The following MARCHF1 variants were observed in gnomAD, a reference collection of about 807,000 sequenced individuals.
MARCHF1 encodes the protein E3 ubiquitin-protein ligase MARCHF1.
In MARCHF1, 40 loss-of-function variants were observed where a neutral mutation model predicts 54.2. The observed-to-expected ratio is 0.74, with a 90% CI of 0.57 to 0.96. The LOEUF (loss-of-function observed/expected upper bound fraction) is 0.96, where lower values mean the gene tolerates loss of function less well. MARCHF1 is among the 40% of genes least tolerant of loss of function. The pLI is 0.00. For missense variants in MARCHF1, 586 were observed against 656.5 expected (o/e 0.89, Z 1.17); for synonymous variants, 236 against 236.3 (o/e 1.00, Z 0.01).
intron 5 of MARCHF1, among the ~76,000 whole-genome samples, chr4:163,641,815 CA>C (rs1263790458): frequency 5.9e-5 from 9 of 152,236 alleles, no homozygotes; most frequent in African/African-American, 1.7e-4. Flanking sequence ...ATTAGTGAGA[CA>C]AAGAAGAAAG....
At chr4:163,550,296 A>AAAAAAG (rs1739063374) in intron 8 of MARCHF1, among the ~76,000 whole-genome samples, 1 of 148,322 alleles carries the variant, frequency 6.7e-6, no homozygotes, top group African/African-American at 2.5e-5. Flanking sequence ...AAAAAAAAAA[A>AAAAAAG]AAAAGAAAAG....
At chr4:163,700,490 G>A (rs1418446189) in intron 5 of MARCHF1, among the ~76,000 whole-genome samples, 2 of 148,880 alleles carry the variant, frequency 1.3e-5, no homozygotes, top group East Asian at 4.0e-4. Flanking sequence ...GGGCGACAGA[G>A]TAAGACTCTG....
chr4:163,962,784 A>T (rs1003945608), intron 3 of MARCHF1, among the ~76,000 whole-genome samples: 1 of 151,914 alleles, frequency 6.6e-6, no homozygotes, highest in Non-Finnish European at 1.5e-5. Flanking sequence ...TTAAAATCCT[A>T]TACCACTTTT....
chr4:163,640,629 C>CA (rs1026229841), intron 5 of MARCHF1, among the ~76,000 whole-genome samples: 4 of 151,710 alleles, frequency 2.6e-5, no homozygotes, highest in East Asian at 1.9e-4. Flanking sequence ...ATGTTCATAC[C>CA]AAAAAAAATT....
chr4:163,953,638 T>C (rs1267204031), intron 3 of MARCHF1, among the ~76,000 whole-genome samples: 2 of 152,140 alleles, frequency 1.3e-5, no homozygotes, highest in East Asian at 1.9e-4. Flanking sequence ...ATATACTCAA[T>C]GTCTTACAGT....
intron 4 of MARCHF1, among the ~76,000 whole-genome samples, chr4:163,768,386 T>C (rs75159951): frequency 0.012 from 1,799 of 152,318 alleles, 32 homozygotes; most frequent in African/African-American, 0.041. Context: ...GACAGAAATA[T>C]TAATACTTTA....
At chr4:163,861,446 A>T (rs2111191968) in intron 3 of MARCHF1, among the ~76,000 whole-genome samples, 1 of 152,284 alleles carries the variant, frequency 6.6e-6, no homozygotes, top group East Asian at 1.9e-4. Context: ...ACCTATATAC[A>T]ATCAATGCAC....
chr4:164,023,027 C>T (rs1323746222), intron 2 of MARCHF1, among the ~76,000 whole-genome samples: 1 of 152,170 alleles, frequency 6.6e-6, no homozygotes, highest in African/African-American at 2.4e-5. Flanking sequence ...CCCAGGGTTG[C>T]AGCATGCAGC....
At chr4:163,604,637 AG>A (rs1741084602) in intron 7 of MARCHF1, among the ~76,000 whole-genome samples, 3 of 152,164 alleles carry the variant, frequency 2.0e-5, no homozygotes, top group African/African-American at 7.2e-5. Context: ...AAACGCCTGC[AG>A]AAACTTTCTT....
chr4:163,750,990 C>G (rs957407731), intron 4 of MARCHF1, among the ~76,000 whole-genome samples: 1 of 151,910 alleles, frequency 6.6e-6, no homozygotes, highest in Non-Finnish European at 1.5e-5. Flanking sequence ...AAATTATTTT[C>G]AAAATAGAAA....
chr4:164,198,456 T>C (rs77901080), intron 1 of MARCHF1, among the ~76,000 whole-genome samples: 5,140 of 152,346 alleles, frequency 0.034, 295 homozygotes, highest in African/African-American at 0.12. Context: ...AGGAAAATAG[T>C]ATTTCTAGTG....
intron 1 of MARCHF1, among the ~76,000 whole-genome samples, chr4:164,149,557 A>G (rs1729874839): frequency 6.6e-6 from 1 of 152,070 alleles, no homozygotes; most frequent in Admixed American, 6.6e-5. Flanking sequence ...CTTCTTTTTA[A>G]TCAATACATT....
At chr4:163,935,505 C>T (rs1335829167) in intron 3 of MARCHF1, among the ~76,000 whole-genome samples, 2 of 152,174 alleles carry the variant, frequency 1.3e-5, no homozygotes, top group African/African-American at 4.8e-5. Context: ...TTTCCTTAAA[C>T]CGCATAAACC....
At position 163,612,960 on chromosome 4, in the gene MARCHF1, C is replaced by G; in HGVS notation, c.321G>C (p.Lys107Asn). 1 of 1,534,578 alleles carries G rather than the reference C, an allele frequency of 6.5e-7. No individual in the cohort carries two copies. Among genetic ancestry groups the G allele is most frequent in the African/African-American group, 1.4e-5 (1 of 73,034 alleles). ...TPVMVLSPAR[K>N]ESGKKSVIQR... ...GTATTACTGATTTCTTACCAGACTCCTTCCTAGCAGGGCTCAGCACCATGA... is the reference window on the plus strand; with the variant it reads ...GTATTACTGATTTCTTACCAGACTCGTTCCTAGCAGGGCTCAGCACCATGA... Residue 107 changes from lysine to asparagine, a missense_variant, in exon 7 of 10, where the codon AAG becomes AAC. Around this residue, in one of 3 missense-constraint regions of MARCHF1, gnomAD observed 387 missense variants for 394.6 expected, o/e 0.98. Coordinates refer to ENST00000514618, the MANE Select transcript of MARCHF1 (RefSeq NM_001394959.1).
rs139120425 is a variant in MARCHF1 at position 164,346,130 on chromosome 4, G to C, written c.-323+37740C>G. Among the ~76,000 whole-genome samples the C allele has an allele frequency of 3.9e-5, 6 of 152,264 alleles. 1 individual carries two copies. The Middle Eastern group carries it at 0.01, about 259-fold the overall frequency. On this transcript the variant is annotated intron_variant, in intron 1 of 9. Transcript: ENST00000514618. Reference sequence around the variant, plus strand: ...GCTTATGACCACATTATTTCTTTGGGTATCAGAACTGAGACTTTGTTCTCA... The same window carrying C: ...GCTTATGACCACATTATTTCTTTGGCTATCAGAACTGAGACTTTGTTCTCA...
chr4:163,854,305 G>A (rs1749712946), intron 3 of MARCHF1, 136 bp from the exon 4 acceptor site: 1 of 609,806 alleles, frequency 1.6e-6, no homozygotes, highest in South Asian at 2.4e-5. Flanking sequence ...GGGTTACAAG[G>A]AGGAAAAGAA....
At chr4:164,015,787 T>C (rs1753526306) in intron 2 of MARCHF1, among the ~76,000 whole-genome samples, 2 of 151,968 alleles carry the variant, frequency 1.3e-5, no homozygotes, top group African/African-American at 2.4e-5. Flanking sequence ...AAATGGCTTA[T>C]ATCCGAAAGA....
chr4:163,574,819 A>G (rs2110774043), intron 8 of MARCHF1, among the ~76,000 whole-genome samples: 2 of 151,764 alleles, frequency 1.3e-5, no homozygotes, highest in African/African-American at 4.8e-5. Context: ...GTTCCATATG[A>G]ACTTTAAAGT....
intron 1 of MARCHF1, among the ~76,000 whole-genome samples, chr4:164,361,368 G>A (rs1157233949): frequency 1.3e-5 from 2 of 152,058 alleles, no homozygotes; most frequent in African/African-American, 2.4e-5. Flanking sequence ...TCCTACAACT[G>A]CAACCGTTGT....
Sources: allele counts gnomAD v4.1 joint callset (sites outside exome capture counted in the v4.1 genomes callset), GRCh38; gene constraint gnomAD v4.1.1; regional missense constraint gnomAD v4.1.1; transcripts MANE v1.5; gene names NCBI Gene and HGNC (gene_info 2026-07-23, HGNC 2026-07-21).